The following CPHXL2 variants were observed in gnomAD, a reference collection of about 807,000 sequenced individuals.
CPHXL2 encodes cytoplasmic polyadenylated homeobox like 2, also known as cytoplasmic polyadenylated homeobox-like protein 2.
chr16:75,672,340 G>A, the CPHXL2 span, among the ~76,000 whole-genome samples: 722 of 151,998 alleles, frequency 4.8e-3, 7 homozygotes, highest in African/African-American at 0.016. Flanking sequence ...AATTTCGCAC[G>A]TATTGTAGGA....
At chr16:75,673,942 T>C in the CPHXL2 span, among the ~76,000 whole-genome samples, 1 of 139,466 alleles carries the variant, frequency 7.2e-6, no homozygotes, top group East Asian at 2.1e-4. Context: ...ATTGTGCCAC[T>C]GCACTCCAGC....
the CPHXL2 span, chr16:75,661,197 A>T: frequency 2.5e-6 from 1 of 400,806 alleles, no homozygotes; most frequent in Non-Finnish European, 4.4e-6. Flanking sequence ...AGTAAGAAAT[A>T]TTCTTTGTCT....
At chr16:75,660,775 G>A in the CPHXL2 span, 8 of 398,550 alleles carry the variant, frequency 2.0e-5, no homozygotes, top group Middle Eastern at 1.2e-3. Flanking sequence ...GATGGGGGAG[G>A]ATGAAGGCAT....
chr16:75,663,554 G>T, the CPHXL2 span, among the ~76,000 whole-genome samples: 5 of 152,084 alleles, frequency 3.3e-5, no homozygotes, highest in Non-Finnish European at 7.4e-5. Context: ...TTTCTTTTGG[G>T]ATTACTGATA....
chr16:75,671,488 TTGA>T, the CPHXL2 span, among the ~76,000 whole-genome samples: 1 of 152,244 alleles, frequency 6.6e-6, no homozygotes, highest in Non-Finnish European at 1.5e-5. Context: ...AATTCACGTG[TTGA>T]TGACACCATC....
chr16:75,664,638 A>AAG, the CPHXL2 span, among the ~76,000 whole-genome samples: 1 of 150,916 alleles, frequency 6.6e-6, no homozygotes, highest in African/African-American at 2.5e-5. Flanking sequence ...AAAAAAAAAA[A>AAG]AAAAGAAAGA....
At chr16:75,669,113 G>A in the CPHXL2 span, among the ~76,000 whole-genome samples, 2 of 151,970 alleles carry the variant, frequency 1.3e-5, no homozygotes, top group East Asian at 1.9e-4. Flanking sequence ...CCAGGAGTTC[G>A]ACACCAGCCC....
chr16:75,670,062 C>A, the CPHXL2 span, among the ~76,000 whole-genome samples: 2 of 152,076 alleles, frequency 1.3e-5, no homozygotes, highest in African/African-American at 4.8e-5. Flanking sequence ...TTACAGGCAC[C>A]TGCCACTACG....
At chr16:75,662,796 C>A in the CPHXL2 span, among the ~76,000 whole-genome samples, 748 of 123,152 alleles carry the variant, frequency 6.1e-3, 7 homozygotes, top group African/African-American at 0.021. Flanking sequence ...GGAGATAATT[C>A]TTTTTTTTTT....
At chr16:75,667,684 C>G in the CPHXL2 span, among the ~76,000 whole-genome samples, 3 of 152,352 alleles carry the variant, frequency 2.0e-5, no homozygotes, top group Admixed American at 6.5e-5. Flanking sequence ...TATTCATAAA[C>G]AGGCAATTTT....
chr16:75,662,342 T>C, the CPHXL2 span, among the ~76,000 whole-genome samples: 161 of 150,988 alleles, frequency 1.1e-3, 1 homozygote, highest in Middle Eastern at 6.8e-3. Context: ...TTTCTTTTTT[T>C]TTTTTTTTTT....
chr16:75,671,449 A>G, the CPHXL2 span, among the ~76,000 whole-genome samples: 1 of 151,966 alleles, frequency 6.6e-6, no homozygotes, highest in African/African-American at 2.4e-5. Context: ...CTTTCTCTGT[A>G]ACACTATCGT....
chr16:75,666,639 A>G, the CPHXL2 span, among the ~76,000 whole-genome samples: 1 of 150,362 alleles, frequency 6.7e-6, no homozygotes, highest in Non-Finnish European at 1.5e-5. Flanking sequence ...AAAATGGAGG[A>G]CATCAATACT....
the CPHXL2 span, among the ~76,000 whole-genome samples, chr16:75,676,192 TC>T: frequency 2.6e-5 from 4 of 152,254 alleles, 1 homozygote; most frequent in South Asian, 6.2e-4. Context: ...CCAGCATGCT[TC>T]AACTGTTTTC....
At chr16:75,664,747 A>G in the CPHXL2 span, among the ~76,000 whole-genome samples, 7 of 152,180 alleles carry the variant, frequency 4.6e-5, no homozygotes, top group Admixed American at 1.3e-4. Context: ...CTTTGCCCTC[A>G]TGAATGGATT....
the CPHXL2 span, among the ~76,000 whole-genome samples, chr16:75,663,001 C>T: frequency 3.3e-5 from 5 of 152,014 alleles, no homozygotes; most frequent in African/African-American, 1.2e-4. Context: ...GGGGTTTCAC[C>T]GTGTTAGCCA....
chr16:75,675,614 C>T, the CPHXL2 span, among the ~76,000 whole-genome samples: 18 of 152,302 alleles, frequency 1.2e-4, no homozygotes, highest in East Asian at 3.5e-3. Context: ...TCACGCCACA[C>T]TCCAAGTTCT....
the CPHXL2 span, chr16:75,660,673 C>T: frequency 3.4e-4 from 136 of 398,492 alleles, 1 homozygote; most frequent in Non-Finnish European, 3.3e-4. Context: ...TTCTTCACCC[C>T]GTAAGCACCT....
At chr16:75,673,745 A>T in the CPHXL2 span, among the ~76,000 whole-genome samples, 1 of 151,932 alleles carries the variant, frequency 6.6e-6, no homozygotes, top group African/African-American at 2.4e-5. Flanking sequence ...TGGGAGGCCA[A>T]GCGGGGGCGA....
Sources: allele counts gnomAD v4.1 joint callset (sites outside exome capture counted in the v4.1 genomes callset), GRCh38; gene constraint gnomAD v4.1.1; transcripts MANE v1.5; gene names NCBI Gene and HGNC (gene_info 2026-07-23, HGNC 2026-07-21).